VAV3: variants seen among roughly 807,000 people sequenced by gnomAD.
The protein encoded by VAV3 is vav guanine nucleotide exchange factor 3, also known as guanine nucleotide exchange factor VAV3.
In VAV3, 94 loss-of-function variants were observed where a neutral mutation model predicts 131.2. The ratio of observed to expected loss-of-function variants is 0.72; its 90% CI spans 0.61 to 0.85. VAV3 has a LOEUF of 0.85. VAV3 is among the 40% of genes least tolerant of loss of function. VAV3 has a pLI of 0.00. For synonymous variants in VAV3, 349 were observed against 342.0 expected (o/e 1.02, Z -0.22); for missense variants, 939 against 1,002.7 (o/e 0.94, Z 0.86).
intron 1 of VAV3, among the ~76,000 whole-genome samples, chr1:107,946,339 T>C (rs1674259970): frequency 6.6e-6 from 1 of 152,130 alleles, no homozygotes; most frequent in Admixed American, 6.5e-5. Flanking sequence ...AGAAAATAGA[T>C]TGAGAGGGGT....
chr1:107,845,995 T>C (rs531885273), intron 2 of VAV3, among the ~76,000 whole-genome samples: 2 of 151,900 alleles, frequency 1.3e-5, no homozygotes, highest in Admixed American at 1.3e-4. Flanking sequence ...AGACAAATAA[T>C]TATCAGATCC....
At chr1:107,712,883 G>A (rs1013238817) in intron 15 of VAV3, among the ~76,000 whole-genome samples, 1 of 152,190 alleles carries the variant, frequency 6.6e-6, no homozygotes, top group Non-Finnish European at 1.5e-5. Flanking sequence ...CGTAAATTAT[G>A]ACCTTGTCGG....
intron 19 of VAV3, among the ~76,000 whole-genome samples, chr1:107,681,615 AAAATACACTCAT>A (rs1429641994): frequency 3.3e-5 from 5 of 152,088 alleles, no homozygotes; most frequent in African/African-American, 9.7e-5. Flanking sequence ...GGAAAAAGGA[AAAATACACTCAT>A]ATACATTTAT....
At chr1:107,699,361 C>A (rs1659947758) in intron 17 of VAV3, among the ~76,000 whole-genome samples, 1 of 152,232 alleles carries the variant, frequency 6.6e-6, no homozygotes, top group South Asian at 2.1e-4. Flanking sequence ...CCAGGTCACA[C>A]CGATGCAAGA....
At chr1:107,865,137 T>C (rs940412668) in intron 2 of VAV3, among the ~76,000 whole-genome samples, 2 of 152,122 alleles carry the variant, frequency 1.3e-5, no homozygotes, top group African/African-American at 4.8e-5. Context: ...TGCACACAGG[T>C]GGCTGGGGGC....
intron 1 of VAV3, among the ~76,000 whole-genome samples, chr1:107,905,197 A>G (rs190451696): frequency 4.9e-4 from 74 of 152,312 alleles, no homozygotes; most frequent in Middle Eastern, 3.4e-3. Context: ...GCACAACCTG[A>G]TAAGTCAGCC....
intron 19 of VAV3, among the ~76,000 whole-genome samples, chr1:107,657,536 G>A (rs538234410): frequency 2.6e-5 from 4 of 152,210 alleles, no homozygotes; most frequent in South Asian, 2.1e-4. Flanking sequence ...CCTTTTTGAC[G>A]TTTTGTCCCG....
rs545200187 is a variant in VAV3 at position 107,795,790 on chromosome 1, C to A, written c.322-16298G>T. ...AGCCCTATATAAAGAATATATGAAT[C>A]CTTTTGATTTGGCCAGAGGGACATT... On this transcript the variant is annotated intron_variant, in intron 2 of 26. Coordinates refer to ENST00000370056, the MANE Select transcript of VAV3 (RefSeq NM_006113.5). Among the ~76,000 whole-genome samples, 5 of 152,278 alleles carry A rather than the reference C, an allele frequency of 3.3e-5. No individual in the cohort carries two copies. In the South Asian group the frequency reaches 1.0e-3, roughly 32 times the overall value.
At chr1:107,767,016 T>C (rs1664769831) in intron 7 of VAV3, among the ~76,000 whole-genome samples, 1 of 152,202 alleles carries the variant, frequency 6.6e-6, no homozygotes, top group South Asian at 2.1e-4. Context: ...ATTTTTTAAA[T>C]AAAACTGTCC....
chr1:107,905,863 A>T (rs189905907), intron 1 of VAV3, among the ~76,000 whole-genome samples: 1 of 152,310 alleles, frequency 6.6e-6, no homozygotes, highest in East Asian at 1.9e-4. Context: ...TACATGTAAT[A>T]ATCAAAAAAC....
chr1:107,896,287 T>G (rs1237568566), intron 1 of VAV3, among the ~76,000 whole-genome samples: 2 of 152,170 alleles, frequency 1.3e-5, no homozygotes, highest in East Asian at 3.8e-4. Flanking sequence ...TTTGAGCAAG[T>G]CCTTAAGAAA....
chr1:107,887,613 A>G (rs1006680374), intron 1 of VAV3, among the ~76,000 whole-genome samples: 3 of 152,166 alleles, frequency 2.0e-5, no homozygotes, highest in Non-Finnish European at 4.4e-5. Context: ...TCATATTCAG[A>G]AAGTTTTTAA....
Position 107,835,220 on chromosome 1 carries a change from G to A in VAV3, c.321+39681C>T, listed in dbSNP as rs540308712. The stretch of plus-strand genomic sequence containing the variant: ...CTGCTCCCACAAGAGCATGCACACC[G>A]CACAGGTTCCATTACCCAGCCTCAG... On this transcript the variant is annotated intron_variant, in intron 2 of 26. Transcript: ENST00000370056. 4.4e-3 allele frequency among the ~76,000 whole-genome samples: 671 copies of A among 152,244 alleles called. 5 individuals are homozygous for A. Among genetic ancestry groups the A allele is most frequent in the Non-Finnish European group, 4.3e-3 (290 of 68,008 alleles).
chr1:107,790,553 T>C (rs1666231579), intron 2 of VAV3, among the ~76,000 whole-genome samples: 1 of 152,212 alleles, frequency 6.6e-6, no homozygotes, highest in Admixed American at 6.5e-5. Flanking sequence ...AGGTAAGTTC[T>C]CTGAGGGACA....
chr1:107,888,101 C>T lies in VAV3; in HGVS notation c.205-13084G>A, dbSNP rs577460518. On this transcript the variant is annotated intron_variant, in intron 1 of 26. Coordinates refer to ENST00000370056, the MANE Select transcript of VAV3 (RefSeq NM_006113.5). The stretch of plus-strand genomic sequence containing the variant: ...AGTAAAAAGAAAGGATTAATGGTTA[C>T]TTTATAATCTTGTATTATTATTCTT... 2.0e-5 allele frequency among the ~76,000 whole-genome samples: 3 copies of T among 151,886 alleles called. No individual in the cohort carries two copies. The East Asian group carries it at 5.8e-4, about 29-fold the overall frequency.
At chr1:107,848,056 G>C (rs1429999417) in intron 2 of VAV3, among the ~76,000 whole-genome samples, 3 of 152,224 alleles carry the variant, frequency 2.0e-5, no homozygotes, top group Non-Finnish European at 4.4e-5. Flanking sequence ...TCTCACGTCT[G>C]TAATGCCAGC....
intron 25 of VAV3, among the ~76,000 whole-genome samples, chr1:107,574,992 TGCGTGC>T (rs1470861150): frequency 2.5e-3 from 164 of 64,316 alleles, no homozygotes; most frequent in Middle Eastern, 7.6e-3. Flanking sequence ...TGTGTGTGTG[TGCGTGC>T]GTGCGCGCGC....
intron 25 of VAV3, among the ~76,000 whole-genome samples, chr1:107,581,116 T>G (rs1048663391): frequency 6.6e-6 from 1 of 152,264 alleles, no homozygotes; most frequent in Non-Finnish European, 1.5e-5. Context: ...AACTCTTTTA[T>G]GCATATTAGC....
rs1245939344 is a variant in VAV3 at position 107,796,797 on chromosome 1, A to AT, written c.322-17306_322-17305insA. Among the ~76,000 whole-genome samples the AT allele has an allele frequency of 1.9e-3, 207 of 109,792 alleles. 4 individuals carry two copies. In the East Asian group the frequency reaches 0.038, roughly 20 times the overall value. 72.0% of individuals were successfully genotyped at this position (109,792 alleles called of 152,430 possible). A position where few individuals can be genotyped will look rare whatever the true frequency, so the allele number is the denominator to read the frequency against. The stretch of plus-strand genomic sequence containing the variant: ...TAGACATGCTGTTATTTGTAAAAAA[A>AT]AAAAAAAATATATATATATATGCAA... On this transcript the variant is annotated intron_variant, in intron 2 of 26. Coordinates refer to ENST00000370056, the MANE Select transcript of VAV3 (RefSeq NM_006113.5).
Sources: gnomAD v4.1 joint callset for allele counts (sites outside exome capture counted in the v4.1 genomes callset) on GRCh38, gnomAD v4.1.1 for gene constraint, MANE v1.5 for transcripts, NCBI Gene and HGNC (gene_info 2026-07-23, HGNC 2026-07-21) for gene names.